UBTD1: variants seen among roughly 807,000 people sequenced by gnomAD.
UBTD1 encodes ubiquitin domain-containing protein 1.
In UBTD1, 19 loss-of-function variants were observed where a neutral mutation model predicts 21.7. That is an observed-to-expected ratio of 0.87 (90% CI 0.61 to 1.28). The LOEUF (loss-of-function observed/expected upper bound fraction) is 1.28. UBTD1 is among the 50% of genes most tolerant of loss of function. The pLI, the probability that UBTD1 is intolerant of heterozygous loss-of-function variation, is 0.00. For missense variants in UBTD1, 282 were observed against 315.1 expected (o/e 0.89, Z 0.80); for synonymous variants, 116 against 135.1 (o/e 0.86, Z 0.98).
In UBTD1 at chr10:97,499,211, A is replaced by G. The variant is rs1166078984; in HGVS notation, c.8A>G (p.Asn3Ser). 3 of 1,546,634 alleles carry G rather than the reference A, an allele frequency of 1.9e-6. No individual in the cohort carries two copies. The highest frequency in any genetic ancestry group is 2.6e-6 in the Non-Finnish European group (3 of 1,145,228). The change falls in exon 1 of 3, where the codon AAC (asparagine) becomes AGC (serine). Residue 3 changes from asparagine to serine, a missense_variant. Physicochemically the swap from Asn to Ser is conservative, Grantham distance 46 (BLOSUM62 1). Coordinates refer to ENST00000370664, the MANE Select transcript of UBTD1 (RefSeq NM_024954.5). The part of the protein sequence containing the change: MG[N>S]CVGRQRRERP... ...ACTGGCTGAGGAGCCAGCATGGGCA[A>G]CTGCGTGGGGAGACAGCGCCGGGAG...
At chr10:97,527,111 A>G (rs1184296468) in intron 1 of UBTD1, among the ~76,000 whole-genome samples, 2 of 133,480 alleles carry the variant, frequency 1.5e-5, no homozygotes, top group East Asian at 5.1e-4. Flanking sequence ...CGGAGGTTGG[A>G]GTGAGCCAAG....
chr10:97,510,556 G>C (rs1564735159), intron 1 of UBTD1, among the ~76,000 whole-genome samples: 1 of 152,032 alleles, frequency 6.6e-6, no homozygotes, highest in Non-Finnish European at 1.5e-5. Flanking sequence ...ATGGTGCCTG[G>C]GACATATTAC....
chr10:97,505,683 C>A (rs2040395690), intron 1 of UBTD1, among the ~76,000 whole-genome samples: 1 of 152,172 alleles, frequency 6.6e-6, no homozygotes. Flanking sequence ...TTGGACAAGC[C>A]TCTTGATCTC....
chr10:97,557,595 G>A (rs754851603), intron 1 of UBTD1, among the ~76,000 whole-genome samples: 38 of 151,800 alleles, frequency 2.5e-4, no homozygotes, highest in African/African-American at 8.2e-4. Context: ...TTAGAGAACC[G>A]CATCCTATTC....
At chr10:97,556,765 T>TG (rs2040665993) in intron 1 of UBTD1, among the ~76,000 whole-genome samples, 1 of 152,242 alleles carries the variant, frequency 6.6e-6, no homozygotes, top group Non-Finnish European at 1.5e-5. Flanking sequence ...ATAAGCTCTG[T>TG]GTCCACATAT....
chr10:97,540,162 C>T (rs2040581129), intron 1 of UBTD1, among the ~76,000 whole-genome samples: 1 of 152,196 alleles, frequency 6.6e-6, no homozygotes, highest in South Asian at 2.1e-4. Context: ...TCACTGAGGT[C>T]TTGTTTTTTC....
At chr10:97,531,133 C>T (rs1429108654) in intron 1 of UBTD1, among the ~76,000 whole-genome samples, 1 of 152,020 alleles carries the variant, frequency 6.6e-6, no homozygotes, top group Non-Finnish European at 1.5e-5. Flanking sequence ...GTGATCCGCC[C>T]TCCTTGGCCT....
chr10:97,550,734 A>C lies in UBTD1; in HGVS notation c.71-17180A>C, dbSNP rs553516125. ...CAGTGTGAATTGAGTGGTGGGAGTA[A>C]ACACACACACACGCATACACACTCA... On this transcript the variant is annotated intron_variant, in intron 1 of 2. Transcript: ENST00000370664. 1.5e-3 allele frequency among the ~76,000 whole-genome samples: 225 copies of C among 152,080 alleles called. 1 individual carries two copies. The highest frequency in any genetic ancestry group is 5.0e-3 in the African/African-American group (207 of 41,474).
At chr10:97,516,549 G>A (rs895896513) in intron 1 of UBTD1, among the ~76,000 whole-genome samples, 1 of 152,140 alleles carries the variant, frequency 6.6e-6, no homozygotes, top group African/African-American at 2.4e-5. Context: ...GCTGAGGCGG[G>A]TGGATCACTA....
chr10:97,503,200 GC>G (rs1421455920), intron 1 of UBTD1, among the ~76,000 whole-genome samples: 1 of 152,202 alleles, frequency 6.6e-6, no homozygotes, highest in Non-Finnish European at 1.5e-5. Context: ...ACTGGCGTGA[GC>G]CGCCACACCC....
chr10:97,557,463 T>A (rs1315115929), intron 1 of UBTD1, among the ~76,000 whole-genome samples: 1 of 152,204 alleles, frequency 6.6e-6, no homozygotes, highest in East Asian at 1.9e-4. Context: ...CTAAACAGGA[T>A]CTTTTTTATC....
intron 1 of UBTD1, among the ~76,000 whole-genome samples, chr10:97,522,555 A>G (rs892652919): frequency 6.6e-6 from 1 of 152,168 alleles, no homozygotes; most frequent in African/African-American, 2.4e-5. Context: ...TGCCCAGGTC[A>G]TCTCAAATTT....
At chr10:97,566,032 A>T (rs922346420) in intron 1 of UBTD1, among the ~76,000 whole-genome samples, 1 of 152,060 alleles carries the variant, frequency 6.6e-6, no homozygotes, top group African/African-American at 2.4e-5. Flanking sequence ...TAATTTTTAG[A>T]AGTTCTATAT....
At chr10:97,569,899 G>A (rs534357010) in intron 2 of UBTD1, among the ~76,000 whole-genome samples, 1 of 151,686 alleles carries the variant, frequency 6.6e-6, no homozygotes, top group East Asian at 1.9e-4. Context: ...AGGCAACATA[G>A]GGAGATCTTG....
At chr10:97,561,237 G>C (rs2135686575) in intron 1 of UBTD1, among the ~76,000 whole-genome samples, 1 of 152,180 alleles carries the variant, frequency 6.6e-6, no homozygotes, top group East Asian at 1.9e-4. Flanking sequence ...TTCCCCACAG[G>C]GATGCTCCAC....
At chr10:97,522,080 T>C (rs971093077) in intron 1 of UBTD1, among the ~76,000 whole-genome samples, 1 of 152,214 alleles carries the variant, frequency 6.6e-6, no homozygotes, top group Non-Finnish European at 1.5e-5. Context: ...GGCAAGAGCA[T>C]GTCTGACAGT....
intron 1 of UBTD1, among the ~76,000 whole-genome samples, chr10:97,503,144 G>A (rs1564734007): frequency 6.6e-6 from 1 of 152,100 alleles, no homozygotes; most frequent in Non-Finnish European, 1.5e-5. Context: ...TGAAACTCCT[G>A]GCCTCAAGTA....
intron 1 of UBTD1, among the ~76,000 whole-genome samples, chr10:97,518,684 G>C (rs1260533916): frequency 1.3e-5 from 2 of 152,298 alleles, no homozygotes; most frequent in East Asian, 1.9e-4. Context: ...CTGCCCAGCT[G>C]TTCTTGTCGT....
At chr10:97,564,472 A>G (rs1284145450) in intron 1 of UBTD1, among the ~76,000 whole-genome samples, 1 of 152,254 alleles carries the variant, frequency 6.6e-6, no homozygotes, top group Non-Finnish European at 1.5e-5. Flanking sequence ...TAAAGGTCTG[A>G]ATAGGAAACA....
Sources: allele counts gnomAD v4.1 joint callset (sites outside exome capture counted in the v4.1 genomes callset), GRCh38; gene constraint gnomAD v4.1.1; transcripts MANE v1.5; gene names NCBI Gene and HGNC (gene_info 2026-07-23, HGNC 2026-07-21).